SPRY3: variants seen among roughly 807,000 people sequenced by gnomAD.
SPRY3 encodes the protein sprouty RTK signaling antagonist 3.
In SPRY3, 15 loss-of-function variants were observed where a neutral mutation model predicts 20.2. The observed-to-expected ratio is 0.74, with a 90% CI of 0.50 to 1.14. The LOEUF (loss-of-function observed/expected upper bound fraction) is 1.14, where lower values mean the gene tolerates loss of function less well. SPRY3 is among the 50% of genes most tolerant of loss of function. The probability of loss-of-function intolerance (pLI) is 0.00; values close to 1 mark genes in which losing one functional copy is unlikely to be tolerated. For missense variants in SPRY3, 364 were observed against 363.9 expected, an observed-to-expected ratio of 1.00 and a Z score of 0.00; for synonymous variants, 143 against 136.5, an observed-to-expected ratio of 1.05 and a Z score of -0.33.
intron 2 of SPRY3, among the ~76,000 whole-genome samples, chrX:155,757,516 G>C (rs999938165): frequency 2.6e-5 from 4 of 152,124 alleles, no homozygotes; most frequent in African/African-American, 9.7e-5. Context: ...TGTGGGTCTA[G>C]AGTTCAGCTA....
At chrX:155,752,360 A>C (rs2091267778) in intron 2 of SPRY3, among the ~76,000 whole-genome samples, 1 of 151,816 alleles carries the variant, frequency 6.6e-6, no homozygotes, top group African/African-American at 2.4e-5. Context: ...CACAAAACCT[A>C]GATGCTATAA....
At chrX:155,645,001 A>G (rs2067953263) in intron 1 of SPRY3, among the ~76,000 whole-genome samples, 1 of 108,551 alleles carries the variant, frequency 9.2e-6, no homozygotes, top group Admixed American at 9.8e-5. Context: ...TATACTACCT[A>G]GGTATCTCTG....
At chrX:155,623,345 T>A (rs183243676) in intron 1 of SPRY3, among the ~76,000 whole-genome samples, 1 of 112,135 alleles carries the variant, frequency 8.9e-6, no homozygotes, top group East Asian at 2.8e-4. Context: ...AAGTCCACAT[T>A]TTTTTCAACA....
At chrX:155,714,161 G>C (rs2091005698) in intron 2 of SPRY3, among the ~76,000 whole-genome samples, 1 of 152,092 alleles carries the variant, frequency 6.6e-6, no homozygotes. Flanking sequence ...TTCTCTGTCT[G>C]AAAGGCCAGA....
intron 2 of SPRY3, among the ~76,000 whole-genome samples, chrX:155,674,430 T>G (rs1299320679): frequency 9.0e-6 from 1 of 110,879 alleles, no homozygotes; most frequent in Non-Finnish European, 1.9e-5. Context: ...ATACTTCCAG[T>G]GTTGGGAAAC....
At chrX:155,674,119 A>G (rs2068052490) in intron 2 of SPRY3, among the ~76,000 whole-genome samples, 1 of 111,474 alleles carries the variant, frequency 9.0e-6, no homozygotes, top group Non-Finnish European at 1.9e-5. Context: ...ATCTTTTTAC[A>G]TTATGACACA....
At chrX:155,750,509 T>TA (rs1307071315) in intron 2 of SPRY3, among the ~76,000 whole-genome samples, 4 of 151,798 alleles carry the variant, frequency 2.6e-5, no homozygotes, top group African/African-American at 4.8e-5. Flanking sequence ...AGGAAAAGTA[T>TA]AAAGAGGCTA....
intron 2 of SPRY3, among the ~76,000 whole-genome samples, chrX:155,766,910 T>G (rs1466017368): frequency 6.6e-6 from 1 of 152,138 alleles, no homozygotes; most frequent in Non-Finnish European, 1.5e-5. Flanking sequence ...TGGGAACACA[T>G]GAGGAAGAGG....
chrX:155,697,260 G>A (rs1376486372), intron 2 of SPRY3, among the ~76,000 whole-genome samples: 1 of 110,806 alleles, frequency 9.0e-6, no homozygotes, highest in Admixed American at 9.7e-5. Context: ...AGAACAAAAG[G>A]TAGAGGAAAG....
At chrX:155,766,478 C>G (rs1424828180) in intron 2 of SPRY3, among the ~76,000 whole-genome samples, 2 of 152,178 alleles carry the variant, frequency 1.3e-5, no homozygotes, top group Non-Finnish European at 2.9e-5. Context: ...TTACTCTGAA[C>G]TGTCACCATT....
chrX:155,774,666 C>T lies in SPRY3; in HGVS notation c.795C>T (p.His265=), dbSNP rs761759840. ...GACCAGGCTGCCGCTGCAAGAGGCACACCAACACTGTGTGCAGAAAGATCT... is the reference window on the plus strand; with the variant it reads ...GACCAGGCTGCCGCTGCAAGAGGCATACCAACACTGTGTGCAGAAAGATCT... The change falls in exon 4 of 4, where the codon CAC becomes CAT. Residue 265 remains histidine, a synonymous_variant. Coordinates refer to ENST00000675360, the Ensembl canonical transcript of SPRY3. 3.4e-5 allele frequency: 55 copies of T among 1,613,874 alleles called. 1 individual carries two copies. The highest frequency in any genetic ancestry group is 2.3e-4 in the South Asian group (21 of 91,076).
chrX:155,772,730 C>T (rs912400937), intron 3 of SPRY3, among the ~76,000 whole-genome samples: 5 of 152,044 alleles, frequency 3.3e-5, no homozygotes, highest in African/African-American at 1.2e-4. Flanking sequence ...ACCACCTCTT[C>T]CTGACTGTAG....
At chrX:155,729,962 A>G (rs1305611548) in intron 2 of SPRY3, among the ~76,000 whole-genome samples, 10 of 152,126 alleles carry the variant, frequency 6.6e-5, no homozygotes, top group Non-Finnish European at 1.5e-4. Context: ...TAGAATAAAT[A>G]GATAAATTCC....
chrX:155,739,750 G>GAAAC (rs1019996217), intron 2 of SPRY3, among the ~76,000 whole-genome samples: 1 of 151,962 alleles, frequency 6.6e-6, no homozygotes, highest in Non-Finnish European at 1.5e-5. Context: ...TGTTAAAAGA[G>GAAAC]AAACAAACAA....
intron 1 of SPRY3, among the ~76,000 whole-genome samples, chrX:155,644,426 G>A (rs1286325243): frequency 9.1e-6 from 1 of 110,493 alleles, no homozygotes; most frequent in African/African-American, 3.3e-5. Flanking sequence ...TTCCTTTCAG[G>A]GCAGTGCGTT....
intron 2 of SPRY3, among the ~76,000 whole-genome samples, chrX:155,662,882 A>G (rs782161006): frequency 9.0e-6 from 1 of 111,389 alleles, no homozygotes; most frequent in East Asian, 2.8e-4. Context: ...TAATTCCCCA[A>G]GAAATGTTCA....
At chrX:155,769,166 A>G (rs1371813663) in intron 3 of SPRY3, among the ~76,000 whole-genome samples, 1 of 152,152 alleles carries the variant, frequency 6.6e-6, no homozygotes, top group East Asian at 1.9e-4. Context: ...ATAACATTCT[A>G]TATATTTGTC....
intron 2 of SPRY3, among the ~76,000 whole-genome samples, chrX:155,697,468 G>A (rs1265908986): frequency 5.6e-5 from 6 of 106,798 alleles, no homozygotes; most frequent in African/African-American, 2.1e-4. Context: ...ACAAACACAC[G>A]AGCCAATTAG....
chrX:155,720,910 C>T (rs1254108604), intron 2 of SPRY3, among the ~76,000 whole-genome samples: 1 of 151,938 alleles, frequency 6.6e-6, no homozygotes, highest in Non-Finnish European at 1.5e-5. Flanking sequence ...CAAAACAATC[C>T]AGGAAAACAT....
Sources: allele counts gnomAD v4.1 joint callset (sites outside exome capture counted in the v4.1 genomes callset), GRCh38; gene constraint gnomAD v4.1.1; transcripts MANE v1.5; gene names NCBI Gene and HGNC (gene_info 2026-07-23, HGNC 2026-07-21).